The following DIP2C variants were observed in gnomAD, a reference collection of about 807,000 sequenced individuals.
The protein encoded by DIP2C is disco-interacting protein 2 homolog C.
A neutral mutation model predicts 192.4 loss-of-function variants in DIP2C; 33 were observed. That is an observed-to-expected ratio of 0.17 (90% CI 0.13 to 0.23). The LOEUF (loss-of-function observed/expected upper bound fraction) is 0.23, where lower values mean the gene tolerates loss of function less well. Among genes scored for constraint, DIP2C ranks in the 10% least tolerant of loss-of-function variants. The probability of loss-of-function intolerance (pLI) is 1.00; values close to 1 mark genes in which losing one functional copy is unlikely to be tolerated. For missense variants in DIP2C, 1,537 were observed against 2,110.1 expected, an observed-to-expected ratio of 0.73 and a Z score of 5.32; for synonymous variants, 979 against 864.1, an observed-to-expected ratio of 1.13 and a Z score of -2.33.
intron 17 of DIP2C, among the ~76,000 whole-genome samples, chr10:373,050 G>A (rs1403291499): frequency 6.6e-6 from 1 of 152,206 alleles, no homozygotes; most frequent in African/African-American, 2.4e-5. Flanking sequence ...TTTCAGATGA[G>A]AAGATTCGGG....
At chr10:521,686 T>G (rs1315922529) in intron 1 of DIP2C, among the ~76,000 whole-genome samples, 2 of 152,224 alleles carry the variant, frequency 1.3e-5, no homozygotes, top group Non-Finnish European at 2.9e-5. Flanking sequence ...ATTTGTGTAT[T>G]CTAATGGGGA....
intron 1 of DIP2C, among the ~76,000 whole-genome samples, chr10:618,027 G>A (rs1252790757): frequency 2.0e-5 from 3 of 152,182 alleles, no homozygotes; most frequent in African/African-American, 7.2e-5. Context: ...ACCCAGTACT[G>A]TCCCACTCTG....
intron 1 of DIP2C, among the ~76,000 whole-genome samples, chr10:580,519 GCA>G (rs1850563504): frequency 6.6e-6 from 1 of 152,098 alleles, no homozygotes; most frequent in African/African-American, 2.4e-5. Context: ...CCATAGTTAT[GCA>G]CATATGTACA....
At chr10:277,621 C>G (rs768646180) in intron 36 of DIP2C, 44 bp from the exon 37 acceptor site, 2 of 1,602,620 alleles carry the variant, frequency 1.2e-6, no homozygotes, top group Admixed American at 1.7e-5. Context: ...TTTATTAATG[C>G]TTTATTTAAT....
In DIP2C at chr10:689,532, C is replaced by A. The variant is rs759396624; in HGVS notation, c.47G>T (p.Arg16Leu). The change falls in exon 1 of 37, where the codon CGG becomes CTG. Residue 16 changes from arginine (R) to leucine (L), a missense_variant. By Grantham distance (102) the Arg-to-Leu change is moderately radical (BLOSUM62 -2). Transcript: ENST00000280886. This position sits in a 1 kb window ranked among gnomAD's most constrained non-coding sequence, Gnocchi z 6.1. ...LEGMALPLEV[R>L]ARLAELELEL... ...CAGCTCCAGCTCGGCCAGGCGCGCC[C>A]GCACCTCCAGGGGCAGCGCCATGCC... 7.7e-7 allele frequency: 1 copy of A among 1,301,176 alleles called. No homozygotes were observed. Among genetic ancestry groups the A allele is most frequent in the Admixed American group, 2.5e-5 (1 of 39,686 alleles). The allele number at this position is 1,301,176 out of a possible 1,614,324, so 80.6% of individuals were successfully genotyped here. A position where few individuals can be genotyped will look rare whatever the true frequency, so the allele number is the denominator to read the frequency against.
chr10:286,006 C>CA (rs772868436), intron 34 of DIP2C, among the ~76,000 whole-genome samples: 2 of 152,212 alleles, frequency 1.3e-5, no homozygotes, highest in Non-Finnish European at 2.9e-5. Flanking sequence ...TCAGTCCATA[C>CA]ACATTATGTG....
At chr10:600,208 A>G (rs1851967133) in intron 1 of DIP2C, among the ~76,000 whole-genome samples, 1 of 152,152 alleles carries the variant, frequency 6.6e-6, no homozygotes, top group South Asian at 2.1e-4. Context: ...AGCCACCCCA[A>G]GCCTCTGCAC....
In DIP2C at chr10:327,146, T is replaced by G; in HGVS notation, c.3784A>C (p.Thr1262Pro). ...CTCTCTTCCGCCACAACCACGCAGGTCCTCACTCGGGACAAGTCCAGCCCT... is the reference window on the plus strand; with the variant it reads ...CTCTCTTCCGCCACAACCACGCAGGGCCTCACTCGGGACAAGTCCAGCCCT... Reference protein sequence around the residue: ...ARGLDLSRVRTCVVVAEERPR... With the variant: ...ARGLDLSRVRPCVVVAEERPR... Residue 1262 changes from threonine (T) to proline (P), a missense_variant, in exon 31 of 37, where the codon ACC becomes CCC. Thr to Pro is a conservative substitution (Grantham distance 38). Transcript: ENST00000280886. The G allele has an allele frequency of 6.2e-7, 1 of 1,613,994 alleles. No homozygotes were observed.
At chr10:658,755 A>G (rs1260323744) in intron 1 of DIP2C, among the ~76,000 whole-genome samples, 3 of 152,232 alleles carry the variant, frequency 2.0e-5, no homozygotes, top group Non-Finnish European at 2.9e-5. Context: ...CTTTGCACCC[A>G]TTTAACATAT....
chr10:653,836 G>A (rs1189577950), intron 1 of DIP2C, among the ~76,000 whole-genome samples: 1 of 152,222 alleles, frequency 6.6e-6, no homozygotes, highest in Non-Finnish European at 1.5e-5. Flanking sequence ...TAAACCTTGA[G>A]AAACCAAAGT....
At chr10:477,727 G>A (rs1843173703) in intron 2 of DIP2C, among the ~76,000 whole-genome samples, 1 of 134,858 alleles carries the variant, frequency 7.4e-6, no homozygotes, top group South Asian at 2.8e-4. Flanking sequence ...AGAAGAAAGA[G>A]AAGGAAAGAA....
chr10:605,489 C>T (rs751480166), intron 1 of DIP2C, among the ~76,000 whole-genome samples: 6 of 152,226 alleles, frequency 3.9e-5, no homozygotes, highest in Non-Finnish European at 8.8e-5. Flanking sequence ...GCCCTTCGCA[C>T]CACATAAACT....
At chr10:648,548 G>T (rs1342128434) in intron 1 of DIP2C, among the ~76,000 whole-genome samples, 1 of 151,812 alleles carries the variant, frequency 6.6e-6, no homozygotes, top group African/African-American at 2.4e-5. Context: ...GGGAAACTGA[G>T]TCCACGTCCA....
chr10:388,318 G>C (rs986657953), intron 13 of DIP2C, among the ~76,000 whole-genome samples: 1 of 152,130 alleles, frequency 6.6e-6, no homozygotes, highest in Non-Finnish European at 1.5e-5. Flanking sequence ...GACTATGGGG[G>C]AGGGCTCTAA....
intron 1 of DIP2C, among the ~76,000 whole-genome samples, chr10:675,062 A>G (rs1165508947): frequency 6.6e-6 from 1 of 152,062 alleles, no homozygotes; most frequent in Non-Finnish European, 1.5e-5. Context: ...GTCTCAATAC[A>G]TTTTTTTAAA....
chr10:622,394 A>AGGGGGAGGGAGGGAGGG (rs1345467096), intron 1 of DIP2C, among the ~76,000 whole-genome samples: 4 of 9,622 alleles, frequency 4.2e-4, no homozygotes, highest in Admixed American at 1.4e-3. Flanking sequence ...GGGAGGGAGG[A>AGGGGGAGGGAGGGAGGG]GGGGGAGGGA....
intron 4 of DIP2C, among the ~76,000 whole-genome samples, chr10:431,497 G>C (rs1966855258): frequency 6.6e-6 from 1 of 152,068 alleles, no homozygotes; most frequent in Non-Finnish European, 1.5e-5. Flanking sequence ...ATGTTGGCCA[G>C]GCTGGTCTCG....
chr10:275,084 C>T lies in DIP2C; in HGVS notation c.*2241G>A, dbSNP rs551995632. 2.6e-5 allele frequency: 4 copies of T among 152,354 alleles called. No homozygotes were observed. Among genetic ancestry groups the T allele is most frequent in the East Asian group, 3.9e-4 (2 of 5,186 alleles). The allele number at this position is 152,354 out of a possible 1,614,324, so 9.4% of individuals were successfully genotyped here. A position where few individuals can be genotyped will look rare whatever the true frequency, so the allele number is the denominator to read the frequency against. ...AACTGCCCTCACAACTGCACTGCAG[C>T]GTCCACACTCCTTGAATGTAGAGTT... On this transcript the variant is annotated 3_prime_UTR_variant, in exon 37 of 37. Transcript: ENST00000280886.
At chr10:497,863 T>C (rs1844956277) in intron 1 of DIP2C, among the ~76,000 whole-genome samples, 1 of 152,190 alleles carries the variant, frequency 6.6e-6, no homozygotes, top group Non-Finnish European at 1.5e-5. Flanking sequence ...AGGGAAAACA[T>C]ATGTCATGAG....
Sources: gnomAD v4.1 joint callset for allele counts (sites outside exome capture counted in the v4.1 genomes callset) on GRCh38, gnomAD v4.1.1 for gene constraint, Gnocchi (gnomAD v3.1) non-coding constraint, MANE v1.5 for transcripts, NCBI Gene and HGNC (gene_info 2026-07-23, HGNC 2026-07-21) for gene names.